The following HK3 variants were observed in gnomAD, a reference collection of about 807,000 sequenced individuals.
HK3 encodes hexokinase 3.
A neutral mutation model predicts 91.0 loss-of-function variants in HK3; 93 were observed. The ratio of observed to expected loss-of-function variants is 1.02; its 90% CI spans 0.86 to 1.21. The LOEUF is 1.21. Ranked by LOEUF, HK3 falls within the 50% of genes most tolerant of loss-of-function variation. The probability of loss-of-function intolerance (pLI) is 0.00; values close to 1 mark genes in which losing one functional copy is unlikely to be tolerated. For missense variants in HK3, 1,235 were observed against 1,247.4 expected (o/e 0.99, Z 0.15); for synonymous variants, 519 against 516.9 (o/e 1.00, Z -0.06).
At chr5:176,898,210 C>G (rs1256579219) in intron 1 of HK3, among the ~76,000 whole-genome samples, 1 of 152,220 alleles carries the variant, frequency 6.6e-6, no homozygotes, top group Admixed American at 6.5e-5. Context: ...CTCCTTACCC[C>G]ACCCAACTTG....
chr5:176,881,258 C>T (rs1384707582), intron 18 of HK3, 41 bp from the exon 19 acceptor site: 1 of 1,613,314 alleles, frequency 6.2e-7, no homozygotes, highest in Non-Finnish European at 8.5e-7. Flanking sequence ...CCACCAGCCC[C>T]ACCTGGCCAC....
At chr5:176,893,650 A>G (rs934655111) in intron 2 of HK3, among the ~76,000 whole-genome samples, 2 of 152,294 alleles carry the variant, frequency 1.3e-5, no homozygotes, top group South Asian at 2.1e-4. Context: ...GCGTTTTAGT[A>G]TTGCTTCATG....
rs761980450 is a variant in HK3, at chr5:176,881,297, C to T, written c.2627+5G>A. 14 of 1,613,630 alleles carry T rather than the reference C, an allele frequency of 8.7e-6. No homozygotes were observed. Among genetic ancestry groups the T allele is most frequent in the Non-Finnish European group, 1.0e-5 (12 of 1,179,910 alleles). ...TCCCTCCCCAGCCCGCACACCCAGACTCACCGCGGGTGCAGCTTGTAGAGC... is the reference window on the plus strand; with the variant it reads ...TCCCTCCCCAGCCCGCACACCCAGATTCACCGCGGGTGCAGCTTGTAGAGC... On this transcript the variant is annotated splice_donor_5th_base_variant and intron_variant, in intron 18 of 18. Coordinates refer to ENST00000292432, the MANE Select transcript of HK3 (RefSeq NM_002115.3).
chr5:176,889,728 A>C lies in HK3; in HGVS notation c.647T>G (p.Val216Gly). The C allele has an allele frequency of 6.2e-7, 1 of 1,614,014 alleles. No individual in the cohort carries two copies. Among genetic ancestry groups the C allele is most frequent in the Non-Finnish European group, 8.5e-7 (1 of 1,179,982 alleles). ...IRRQGAYNID[V>G]VAVVNDTVGT... ...CACTGTGTCGTTCACCACAGCAACC[A>C]CGTCGATGTTGTAGGCCTAGATGAT... The change falls in exon 7 of 19, where the codon GTG becomes GGG. Residue 216 changes from valine (V) to glycine (G), a missense_variant. Around this residue, in one of 3 missense-constraint regions of HK3, gnomAD observed 717 missense variants for 751.6 expected, o/e 0.95. Transcript: ENST00000292432.
Position 176,888,674 on chromosome 5 carries a change from G to A in HK3, c.1070+35C>T, listed in dbSNP as rs1758670934. The stretch of plus-strand genomic sequence containing the variant: ...GTATCATCCCCTTCCTCCAAGCCAA[G>A]AATCCCCCACTAAACCACCATCTCC... On this transcript the variant is annotated intron_variant, in intron 9 of 18. Transcript: ENST00000292432. 2.5e-6 allele frequency: 4 copies of A among 1,613,808 alleles called. No individual in the cohort carries two copies. In the South Asian group the frequency reaches 4.4e-5, roughly 18 times the overall value.
At position 176,881,771 on chromosome 5, in the gene HK3, C is replaced by G. The variant is rs569541765; in HGVS notation, c.2314G>C (p.Val772Leu). ...HILLHLTSLG[V>L]LFRGQQIQRL... ...TGGATCTGCTGGCCCCGGAAGAGAACGCCAAGGCTGGTTAAATGTAAAAGG... is the reference window on the plus strand; with the variant it reads ...TGGATCTGCTGGCCCCGGAAGAGAAGGCCAAGGCTGGTTAAATGTAAAAGG... Residue 772 changes from valine to leucine, a missense_variant, in exon 17 of 19, where the codon GTT becomes CTT. Physicochemically the swap from Val to Leu is conservative, Grantham distance 32 (BLOSUM62 1). This residue lies in a region of HK3 where 513 missense variants were observed against 477.4 expected (regional missense o/e 1.07). Transcript: ENST00000292432. 1 of 1,614,060 alleles carries G rather than the reference C, an allele frequency of 6.2e-7. No homozygotes were observed. Among genetic ancestry groups the G allele is most frequent in the Non-Finnish European group, 8.5e-7 (1 of 1,180,040 alleles).
At position 176,884,544 on chromosome 5, in the gene HK3, G is replaced by T. The variant is rs555058077; in HGVS notation, c.1858-410C>A. Among the ~76,000 whole-genome samples the T allele has an allele frequency of 6.6e-6, 1 of 152,294 alleles. No homozygotes were observed. Among genetic ancestry groups the T allele is most frequent in the East Asian group, 1.9e-4 (1 of 5,186 alleles). On this transcript the variant is annotated intron_variant, in intron 13 of 18. Coordinates refer to ENST00000292432, the MANE Select transcript of HK3 (RefSeq NM_002115.3). The surrounding 1 kb of genome is among the most constrained non-coding windows in gnomAD (Gnocchi z 4.1). ...ACAGCAGATCCCACCCTTTCAGAAAGAACTCCAAGTTACTCTAGAGGAAGG... is the reference window on the plus strand; with the variant it reads ...ACAGCAGATCCCACCCTTTCAGAAATAACTCCAAGTTACTCTAGAGGAAGG...
chr5:176,883,738 G>C (rs777867157), intron 15 of HK3, 32 bp downstream of exon 15: 1 of 1,547,960 alleles, frequency 6.5e-7, no homozygotes, highest in Non-Finnish European at 8.9e-7. Context: ...TTGCCAAGCA[G>C]TAGGGGCATG....
chr5:176,885,432 T>C lies in HK3; in HGVS notation c.1858-1298A>G, dbSNP rs191550498. The stretch of plus-strand genomic sequence containing the variant: ...CTGAAAATAATGTGGGCCCAACATT[T>C]TTTTTTTAAGATGGAGTCTTGCTCT... On this transcript the variant is annotated intron_variant, in intron 13 of 18. Transcript: ENST00000292432. 6.2e-3 allele frequency among the ~76,000 whole-genome samples: 947 copies of C among 152,210 alleles called. 5 individuals are homozygous for C. Among genetic ancestry groups the C allele is most frequent in the Non-Finnish European group, 9.8e-3 (669 of 68,002 alleles).
At position 176,889,651 on chromosome 5, in the gene HK3, C is replaced by T; in HGVS notation, c.724G>A (p.Val242Ile). ...CAAATGGTCCATGGCTCACCTACAA[C>T]TAGCCCAACCTCACACGGCCTGACC... ...PGVRPCEVGL[V>I]VDTGTNACYM... is the part of the protein sequence containing the mutation. The change falls in exon 7 of 19, where the codon GTT becomes ATT. Residue 242 changes from valine to isoleucine, a missense_variant. By Grantham distance (29) the Val-to-Ile change is conservative. Transcript: ENST00000292432. 6.2e-7 allele frequency: 1 copy of T among 1,614,222 alleles called. No individual in the cohort carries two copies. Among genetic ancestry groups the T allele is most frequent in the Non-Finnish European group, 8.5e-7 (1 of 1,180,038 alleles).
intron 2 of HK3, among the ~76,000 whole-genome samples, chr5:176,893,501 T>C (rs1386755109): frequency 2.0e-5 from 3 of 152,152 alleles, no homozygotes; most frequent in Non-Finnish European, 4.4e-5. Flanking sequence ...CCAGGGACTA[T>C]GTCTTGCTCA....
intron 15 of HK3, 60 bp from the exon 16 acceptor site, chr5:176,882,187 C>A: frequency 6.4e-7 from 1 of 1,567,386 alleles, no homozygotes; most frequent in Non-Finnish European, 8.7e-7. Flanking sequence ...ACCCTCTGAG[C>A]ACTTCCCATA....
At position 176,888,430 on chromosome 5, in the gene HK3, G is replaced by C; in HGVS notation, c.1206C>G (p.Ala402=). ...GGAGGCAGGAGAGAACAGCGGCCAGGGCGGCAGCACAGAGCTGGGCAGCCC... is the reference window on the plus strand; with the variant it reads ...GGAGGCAGGAGAGAACAGCGGCCAGCGCGGCAGCACAGAGCTGGGCAGCCC... The part of the protein sequence containing the change: ...CTRAAQLCAA[A]LAAVLSCLQH... The change falls in exon 10 of 19, where the codon GCC becomes GCG. Residue 402 remains alanine, a synonymous_variant. Transcript: ENST00000292432. 6.4e-7 allele frequency: 1 copy of C among 1,560,342 alleles called. No individual in the cohort carries two copies. The highest frequency in any genetic ancestry group is 8.7e-7 in the Non-Finnish European group (1 of 1,151,610).
intron 13 of HK3, 139 bp downstream of exon 13, chr5:176,886,863 C>T: frequency 1.0e-6 from 1 of 990,618 alleles, no homozygotes; most frequent in Non-Finnish European, 1.5e-6. Flanking sequence ...TGTGTGCAAG[C>T]CCAGCCCAGC....
Position 176,884,137 on chromosome 5 carries a change from G to C in HK3, c.1858-3C>G. ...TTGGTCCAGTTCAGGAGGATGCCCT[G>C]GGGTGAGACCGAGAGGAAGTGGCAG... is the stretch of plus-strand genomic sequence containing the variant. On this transcript the variant is annotated splice_region_variant and splice_polypyrimidine_tract_variant and intron_variant, in intron 13 of 18. Transcript: ENST00000292432. The surrounding 1 kb of genome is among the most constrained non-coding windows in gnomAD (Gnocchi z 4.1). 1 of 1,613,368 alleles carries C rather than the reference G, an allele frequency of 6.2e-7. No homozygotes were observed. Among genetic ancestry groups the C allele is most frequent in the Non-Finnish European group, 8.5e-7 (1 of 1,179,442 alleles).
chr5:176,889,076 A>G (rs189450719), intron 8 of HK3, among the ~76,000 whole-genome samples: 4 of 152,352 alleles, frequency 2.6e-5, no homozygotes, highest in African/African-American at 9.6e-5. Context: ...AGCCTCCTGG[A>G]GAACAAGAAG....
At position 176,888,876 on chromosome 5, in the gene HK3, A is replaced by G; in HGVS notation, c.915-12T>C. On this transcript the variant is annotated splice_polypyrimidine_tract_variant and intron_variant, in intron 8 of 18. Coordinates refer to ENST00000292432, the MANE Select transcript of HK3 (RefSeq NM_002115.3). ...TCATCTTCTCAAACCTGCAGGGGGG[A>G]AGGGTGGCTGGAGGAAGCCTTTTCT... 1 of 1,608,640 alleles carries G rather than the reference A, an allele frequency of 6.2e-7. No homozygotes were observed.
rs556634863 is a variant in HK3 at position 176,881,744 on chromosome 5, G to C, written c.2341C>G (p.Arg781Gly). ...GVLFRGQQIQ[R>G]LQTRDIFKTK... ...TTGAAGATGTCCCTGGTCTGAAGGC[G>C]CTGGATCTGCTGGCCCCGGAAGAGA... The change falls in exon 17 of 19, where the codon CGC becomes GGC. Residue 781 changes from arginine to glycine, a missense_variant. Around this residue, in one of 3 missense-constraint regions of HK3, gnomAD observed 513 missense variants for 477.4 expected, o/e 1.07. Transcript: ENST00000292432. The C allele has an allele frequency of 6.8e-6, 11 of 1,614,160 alleles. 1 individual carries two copies. The East Asian group carries it at 2.5e-4, about 36-fold the overall frequency.
chr5:176,886,244 T>A (rs1280488290), intron 13 of HK3, among the ~76,000 whole-genome samples: 2 of 150,864 alleles, frequency 1.3e-5, no homozygotes. Flanking sequence ...AAAAAAAAAA[T>A]GAGTTGCATA....
Sources: allele counts gnomAD v4.1 joint callset (sites outside exome capture counted in the v4.1 genomes callset), GRCh38; gene constraint gnomAD v4.1.1; regional missense constraint gnomAD v4.1.1; non-coding constraint Gnocchi (gnomAD v3.1); transcripts MANE v1.5; gene names NCBI Gene and HGNC (gene_info 2026-07-23, HGNC 2026-07-21).